UTP20: variants seen among roughly 807,000 people sequenced by gnomAD.
UTP20 encodes UTP20 small subunit processome component.
A neutral mutation model predicts 329.5 loss-of-function variants in UTP20; 164 were observed. That is an observed-to-expected ratio of 0.50 (90% CI 0.44 to 0.57). The LOEUF is 0.57. Among genes scored for constraint, UTP20 ranks in the 20% least tolerant of loss-of-function variants. The pLI, the probability that UTP20 is intolerant of heterozygous loss-of-function variation, is 0.00. For missense variants in UTP20, 3,055 were observed against 3,284.2 expected, an observed-to-expected ratio of 0.93 and a Z score of 1.71; for synonymous variants, 1,151 against 1,159.3, an observed-to-expected ratio of 0.99 and a Z score of 0.14.
intron 35 of UTP20, among the ~76,000 whole-genome samples, chr12:101,343,542 G>A (rs1869219000): frequency 6.6e-6 from 1 of 152,048 alleles, no homozygotes; most frequent in Non-Finnish European, 1.5e-5. Context: ...ACAGGATCTC[G>A]TTCTGTCACC....
chr12:101,372,918 G>A lies in UTP20; in HGVS notation c.6833G>A (p.Gly2278Asp). 1 of 1,614,146 alleles carries A rather than the reference G, an allele frequency of 6.2e-7. No individual in the cohort carries two copies. Among genetic ancestry groups the A allele is most frequent in the Non-Finnish European group, 8.5e-7 (1 of 1,180,004 alleles). ...AAATATATTCTTGACTATCCCCTGG[G>A]TGACAAATTGAGACCAAACTTGGAA... is the stretch of plus-strand genomic sequence containing the variant. The part of the protein sequence containing the change: ...FLKYILDYPL[G>D]DKLRPNLEFM... The change falls in exon 52 of 62, where the codon GGT becomes GAT. Residue 2278 changes from glycine to aspartate, a missense_variant. Transcript: ENST00000261637.
intron 15 of UTP20, among the ~76,000 whole-genome samples, chr12:101,304,984 TC>T (rs1428150463): frequency 3.9e-5 from 6 of 152,188 alleles, no homozygotes; most frequent in African/African-American, 1.2e-4. Context: ...TGCTTTTCTT[TC>T]AGATACCCTT....
intron 29 of UTP20, 131 bp from the exon 30 acceptor site, chr12:101,337,920 A>G: frequency 2.4e-6 from 2 of 832,134 alleles, no homozygotes; most frequent in Middle Eastern, 2.7e-4. Context: ...TTAGATTTAA[A>G]CTAATTCCCC....
chr12:101,305,611 T>TTATA (rs34841818), intron 15 of UTP20, among the ~76,000 whole-genome samples: 16,289 of 144,446 alleles, frequency 0.11, 1,945 homozygotes, highest in East Asian at 0.43. Context: ...ATAATAAATA[T>TTATA]TATATATATA....
rs1017576934 is a variant in UTP20, at chr12:101,315,251, C to T, written c.2553-2227C>T. ...CTGTAATCCCAGCACTTTGGGGGGC[C>T]GAGGTGGGCAGATCATGAGATCAGG... On this transcript the variant is annotated intron_variant, in intron 21 of 61. Coordinates refer to ENST00000261637, the MANE Select transcript of UTP20 (RefSeq NM_014503.3). 2.6e-5 allele frequency among the ~76,000 whole-genome samples: 4 copies of T among 152,104 alleles called. No individual in the cohort carries two copies. The East Asian group carries it at 7.8e-4, about 29-fold the overall frequency.
Position 101,343,015 on chromosome 12 carries a change from C to T in UTP20, c.4371C>T (p.Thr1457=). ...GCTTTGAGACTTTCCAGACCATCAC[C>T]TCTTACATTAAAGAAATGCAAATTG... The part of the protein sequence containing the change: ...DVRFETFQTI[T]SYIKEMQIVD... The change falls in exon 35 of 62, where the codon ACC becomes ACT. Residue 1457 remains threonine, a synonymous_variant. Transcript: ENST00000261637. The T allele has an allele frequency of 6.2e-7, 1 of 1,613,626 alleles. No homozygotes were observed. The highest frequency in any genetic ancestry group is 1.1e-5 in the South Asian group (1 of 90,964).
At chr12:101,293,626 T>G (rs1170833750) in intron 11 of UTP20, among the ~76,000 whole-genome samples, 1 of 152,178 alleles carries the variant, frequency 6.6e-6, no homozygotes, top group East Asian at 1.9e-4. Context: ...TTATTTTATT[T>G]TTTTCTCTTC....
rs1238653778 is a variant in UTP20, at chr12:101,290,856, G to A, written c.859G>A (p.Glu287Lys). The A allele has an allele frequency of 1.9e-6, 3 of 1,612,596 alleles. No homozygotes were observed. Among genetic ancestry groups the A allele is most frequent in the Admixed American group, 1.7e-5 (1 of 59,738 alleles). The change falls in exon 8 of 62, where the codon GAA becomes AAA. Residue 287 changes from glutamate to lysine, a missense_variant. Physicochemically the swap from Glu to Lys is moderately conservative, Grantham distance 56. Transcript: ENST00000261637. ...ATCCACTGTATCCTACATCTCCAAG[G>A]AACATTTTGGTACATTTTTTGAATG... is the stretch of plus-strand genomic sequence containing the variant. The part of the protein sequence containing the change: ...VKSTVSYISK[E>K]HFGTFFECLQ...
At chr12:101,307,994 A>G (rs1191871717) in intron 17 of UTP20, among the ~76,000 whole-genome samples, 191 bp from the exon 18 acceptor site, 1 of 152,240 alleles carries the variant, frequency 6.6e-6, no homozygotes, top group Non-Finnish European at 1.5e-5. Flanking sequence ...TAGACACTAA[A>G]TTATCTACCA....
chr12:101,295,427 C>T (rs573738903), intron 11 of UTP20, 53 bp from the exon 12 acceptor site: 1 of 1,455,772 alleles, frequency 6.9e-7, no homozygotes, highest in Non-Finnish European at 9.1e-7. Flanking sequence ...TTGTTAGCAT[C>T]TTCTCTTTAT....
chr12:101,309,007 A>G (rs1270694094), intron 18 of UTP20, among the ~76,000 whole-genome samples: 1 of 151,616 alleles, frequency 6.6e-6, no homozygotes, highest in Admixed American at 6.6e-5. Flanking sequence ...TGCTGGGATT[A>G]CAGGCGTGAG....
In UTP20 at chr12:101,369,773, C is replaced by T. The variant is rs1272789747; in HGVS notation, c.6437C>T (p.Pro2146Leu). ...CLIWVLRFPLPSIETKAEQLT... is the reference protein window; with the variant it reads ...CLIWVLRFPLLSIETKAEQLT... ...ATCTGGGTCTTGAGGTTCCCGCTAC[C>T]TTCCATAGAAACAAAAGCAGAGCAG... The change falls in exon 49 of 62, where the codon CCT becomes CTT. Residue 2146 changes from proline to leucine, a missense_variant. This residue lies in a region of UTP20 where 2,445 missense variants were observed against 2,575.5 expected (regional missense o/e 0.95). Coordinates refer to ENST00000261637, the MANE Select transcript of UTP20 (RefSeq NM_014503.3). 2.5e-6 allele frequency: 4 copies of T among 1,609,312 alleles called. No homozygotes were observed. In the South Asian group the frequency reaches 4.4e-5, roughly 18 times the overall value.
intron 52 of UTP20, 127 bp from the exon 53 acceptor site, chr12:101,373,274 G>A: frequency 1.1e-6 from 1 of 894,338 alleles, no homozygotes; most frequent in Non-Finnish European, 1.7e-6. Flanking sequence ...ATTAAAATTA[G>A]GAAAACAGAG....
At chr12:101,352,668 G>C (rs574189010) in intron 39 of UTP20, among the ~76,000 whole-genome samples, 4 of 135,952 alleles carry the variant, frequency 2.9e-5, no homozygotes, top group South Asian at 2.2e-4. Context: ...GTTGTGGGGT[G>C]GGGGGAGTGG....
intron 35 of UTP20, among the ~76,000 whole-genome samples, chr12:101,343,978 T>C (rs1186223902): frequency 1.3e-5 from 2 of 152,226 alleles, no homozygotes; most frequent in Non-Finnish European, 2.9e-5. Flanking sequence ...TAAATTAAAA[T>C]CCAAAAATGC....
chr12:101,363,277 A>T (rs1386383879), intron 44 of UTP20, among the ~76,000 whole-genome samples: 1 of 152,252 alleles, frequency 6.6e-6, no homozygotes, highest in East Asian at 1.9e-4. Context: ...GTACATCAAA[A>T]AAGAAGTAAC....
chr12:101,371,317 A>G (rs1397814919), intron 51 of UTP20, 149 bp downstream of exon 51: 3 of 594,914 alleles, frequency 5.0e-6, no homozygotes, highest in Admixed American at 7.7e-5. Flanking sequence ...GCAGGTGGTC[A>G]GGGGAGGCTT....
rs765182802 is a variant in UTP20, at chr12:101,308,308, G to C, written c.2119G>C (p.Val707Leu). 6.3e-7 allele frequency: 1 copy of C among 1,597,736 alleles called. No homozygotes were observed. Among genetic ancestry groups the C allele is most frequent in the South Asian group, 1.1e-5 (1 of 88,208 alleles). Residue 707 changes from valine to leucine, a missense_variant, in exon 18 of 62, where the codon GTA (valine) becomes CTA (leucine). Val to Leu is a conservative substitution (Grantham distance 32, BLOSUM62 1). Transcript: ENST00000261637. ...LHLRKLRHDV[V>L]QTAVPDGPLQ... Reference sequence around the variant, plus strand: ...TTTGAGAAAACTAAGACATGATGTGGTACAGACTGCTGTCCCTGATGGGCC... The same window carrying C: ...TTTGAGAAAACTAAGACATGATGTGCTACAGACTGCTGTCCCTGATGGGCC...
In UTP20 at chr12:101,343,112, A is replaced by G. The variant is rs1481695945; in HGVS notation, c.4449+19A>G. On this transcript the variant is annotated intron_variant, in intron 35 of 61. Coordinates refer to ENST00000261637, the MANE Select transcript of UTP20 (RefSeq NM_014503.3). ...TCTAGAGGTAGGTTATTATAGCAAA[A>G]TTTTTAAATTATTTTTTATTGTTTT... 2 of 1,541,472 alleles carry G rather than the reference A, an allele frequency of 1.3e-6. No individual in the cohort carries two copies. The highest frequency in any genetic ancestry group is 1.8e-6 in the Non-Finnish European group (2 of 1,132,698).
Sources: allele counts gnomAD v4.1 joint callset (sites outside exome capture counted in the v4.1 genomes callset), GRCh38; gene constraint gnomAD v4.1.1; regional missense constraint gnomAD v4.1.1; transcripts MANE v1.5; gene names NCBI Gene and HGNC (gene_info 2026-07-23, HGNC 2026-07-21).